Variants in AKAP6 observed in about 807,000 individuals in gnomAD.
AKAP6 encodes the protein A-kinase anchor protein 6.
AKAP6 carries 58 observed loss-of-function variants against 188.5 expected under a neutral mutation model. The ratio of observed to expected loss-of-function variants is 0.31; its 90% confidence interval spans 0.25 to 0.38. The LOEUF is 0.38. Among genes scored for constraint, AKAP6 ranks in the 10% least tolerant of loss-of-function variants. AKAP6 has a pLI of 1.00. For synonymous variants in AKAP6, 989 were observed against 998.6 expected (o/e 0.99, Z 0.18); for missense variants, 2,710 against 2,740.0 (o/e 0.99, Z 0.24).
At chr14:32,422,162 C>G (rs1057076024) in intron 1 of AKAP6, among the ~76,000 whole-genome samples, 4 of 152,130 alleles carry the variant, frequency 2.6e-5, no homozygotes, top group South Asian at 2.1e-4. Context: ...ATGATTGTCT[C>G]TTTATCTGGA....
At chr14:32,482,753 A>T (rs1879419357) in intron 2 of AKAP6, among the ~76,000 whole-genome samples, 1 of 152,164 alleles carries the variant, frequency 6.6e-6, no homozygotes, top group African/African-American at 2.4e-5. Flanking sequence ...TAACAATACA[A>T]CTCAGAAAAC....
chr14:32,412,500 T>C (rs575032185), intron 1 of AKAP6, among the ~76,000 whole-genome samples: 1 of 152,332 alleles, frequency 6.6e-6, no homozygotes, highest in Admixed American at 6.5e-5. Flanking sequence ...ACTCTCCCCT[T>C]TTGTAGCATT....
intron 11 of AKAP6, among the ~76,000 whole-genome samples, chr14:32,739,914 G>A (rs780874948): frequency 6.6e-6 from 1 of 151,950 alleles, no homozygotes; most frequent in African/African-American, 2.4e-5. Context: ...TGGATCATAT[G>A]GTAGCTCTAT....
At chr14:32,446,604 GT>G (rs11326213) in intron 2 of AKAP6, among the ~76,000 whole-genome samples, 87,108 of 148,888 alleles carry the variant, frequency 0.59, 26,245 homozygotes, top group African/African-American at 0.75. Context: ...GTAGACATCT[GT>G]TTTTTTTTTT....
intron 7 of AKAP6, among the ~76,000 whole-genome samples, chr14:32,650,936 G>A (rs1250304753): frequency 1.3e-5 from 2 of 152,068 alleles, no homozygotes; most frequent in African/African-American, 4.8e-5. Flanking sequence ...TCACCAAAGA[G>A]GATTGTAAAG....
At chr14:32,458,852 T>C (rs75244655) in intron 2 of AKAP6, among the ~76,000 whole-genome samples, 2,723 of 152,168 alleles carry the variant, frequency 0.018, 70 homozygotes, top group African/African-American at 0.061. Context: ...GAAAAAAGAA[T>C]TTCAGGAATG....
chr14:32,696,201 C>A, intron 9 of AKAP6, 91 bp downstream of exon 9: 1 of 1,469,142 alleles, frequency 6.8e-7, no homozygotes, highest in South Asian at 1.5e-5. Flanking sequence ...TCTTTTCGTT[C>A]ATTGTATGTA....
intron 12 of AKAP6, among the ~76,000 whole-genome samples, chr14:32,776,570 A>T (rs1281021878): frequency 1.3e-5 from 2 of 152,226 alleles, no homozygotes; most frequent in African/African-American, 4.8e-5. Flanking sequence ...AGGGCCTGGG[A>T]AATACTTGCA....
chr14:32,785,292 CA>C (rs1460180545), intron 12 of AKAP6, among the ~76,000 whole-genome samples: 9 of 151,914 alleles, frequency 5.9e-5, no homozygotes, highest in African/African-American at 2.2e-4. Flanking sequence ...TGAGAAATAA[CA>C]GAATAAAGAA....
At position 32,834,253 on chromosome 14, in the gene AKAP6, C is replaced by T. The variant is rs150725465; in HGVS notation, c.*4448C>T. On this transcript the variant is annotated 3_prime_UTR_variant, in exon 14 of 14. Coordinates refer to ENST00000280979, the MANE Select transcript of AKAP6 (RefSeq NM_004274.5). ...ACTAAAAATACAAAAATTAGCCAGGCGTGGTAGCTGTAATCCCAGCTACTT... is the reference window on the plus strand; with the variant it reads ...ACTAAAAATACAAAAATTAGCCAGGTGTGGTAGCTGTAATCCCAGCTACTT... 259 of 152,166 alleles carry T rather than the reference C, an allele frequency of 1.7e-3. 1 individual carries two copies. Among genetic ancestry groups the T allele is most frequent in the Middle Eastern group, 6.8e-3 (2 of 294 alleles). 9.4% of individuals were successfully genotyped at this position (152,166 alleles called of 1,614,324 possible).
At chr14:32,736,051 T>G (rs2031406342) in intron 11 of AKAP6, among the ~76,000 whole-genome samples, 169 bp downstream of exon 11, 2 of 152,166 alleles carry the variant, frequency 1.3e-5, no homozygotes, top group South Asian at 4.1e-4. Context: ...TCTATGTGTA[T>G]AAAGATGAAC....
At chr14:32,534,987 A>AC (rs1292613686) in intron 2 of AKAP6, among the ~76,000 whole-genome samples, 1 of 130,312 alleles carries the variant, frequency 7.7e-6, no homozygotes, top group African/African-American at 3.3e-5. Context: ...ACAAAAACAA[A>AC]CCAAAAAAAA....
intron 7 of AKAP6, among the ~76,000 whole-genome samples, chr14:32,666,151 A>C (rs1888924724): frequency 6.6e-6 from 1 of 152,082 alleles, no homozygotes; most frequent in Admixed American, 6.6e-5. Flanking sequence ...GCTAAGAAAA[A>C]TATTTTTGAT....
chr14:32,689,445 G>A (rs1351088776), intron 8 of AKAP6, among the ~76,000 whole-genome samples: 5 of 152,116 alleles, frequency 3.3e-5, no homozygotes, highest in South Asian at 4.1e-4. Flanking sequence ...TCACATGTAC[G>A]TAGGTATATA....
intron 1 of AKAP6, among the ~76,000 whole-genome samples, chr14:32,387,820 T>C (rs1446100929): frequency 6.6e-6 from 1 of 151,286 alleles, no homozygotes; most frequent in Non-Finnish European, 1.5e-5. Flanking sequence ...TTTTTAGTTA[T>C]GTCTTTTCCT....
At chr14:32,414,592 G>A (rs569294437) in intron 1 of AKAP6, among the ~76,000 whole-genome samples, 1 of 152,150 alleles carries the variant, frequency 6.6e-6, no homozygotes, top group African/African-American at 2.4e-5. Flanking sequence ...TGAATGAATT[G>A]GTCTTTTTGT....
intron 1 of AKAP6, among the ~76,000 whole-genome samples, chr14:32,360,845 G>T (rs951490382): frequency 6.6e-6 from 1 of 151,548 alleles, no homozygotes; most frequent in African/African-American, 2.4e-5. Context: ...CTGGGCTCAA[G>T]TGTTCCTCCC....
chr14:32,705,857 A>G (rs1890792058), intron 9 of AKAP6, among the ~76,000 whole-genome samples: 1 of 152,190 alleles, frequency 6.6e-6, no homozygotes, highest in African/African-American at 2.4e-5. Flanking sequence ...ACCGTCTTAA[A>G]TATTCCCTTA....
chr14:32,468,538 A>ACAGGATGTTG (rs11276910), intron 2 of AKAP6, among the ~76,000 whole-genome samples: 1 of 151,680 alleles, frequency 6.6e-6, no homozygotes, highest in East Asian at 1.9e-4. Context: ...TCCTGTAATC[A>ACAGGATGTTG]CAGGATGTTG....
Sources: gnomAD v4.1 joint callset for allele counts (sites outside exome capture counted in the v4.1 genomes callset) on GRCh38, gnomAD v4.1.1 for gene constraint, MANE v1.5 for transcripts, NCBI Gene and HGNC (gene_info 2026-07-23, HGNC 2026-07-21) for gene names.